Variants in ARHGAP11A observed in about 807,000 individuals in gnomAD.
ARHGAP11A encodes rho GTPase-activating protein 11A.
In ARHGAP11A, 36 loss-of-function variants were observed where a neutral mutation model predicts 60.5. The observed-to-expected ratio is 0.59, with a 90% CI of 0.46 to 0.79. ARHGAP11A has a LOEUF of 0.79. Among genes scored for constraint, ARHGAP11A ranks in the 30% least tolerant of loss-of-function variants. ARHGAP11A has a pLI of 0.00. For missense variants in ARHGAP11A, 1,071 were observed against 1,199.2 expected (o/e 0.89, Z 1.58); for synonymous variants, 362 against 415.5 (o/e 0.87, Z 1.57).
rs745798933 is a variant in ARHGAP11A at position 32,620,072 on chromosome 15, A to G, written c.130-36A>G. ...TTTAAGAAAACTGATATTATGCCTA[A>G]TATTTGTGTTAGAGTAACTGAATTT... is the stretch of plus-strand genomic sequence containing the variant. On this transcript the variant is annotated intron_variant, in intron 1 of 11. Transcript: ENST00000361627. 14 of 1,542,302 alleles carry G rather than the reference A, an allele frequency of 9.1e-6. No homozygotes were observed. The African/African-American group carries it at 1.9e-4, about 21-fold the overall frequency.
chr15:32,629,518 A>G, intron 7 of ARHGAP11A, 77 bp from the exon 8 acceptor site: 2 of 1,256,892 alleles, frequency 1.6e-6, no homozygotes, highest in Non-Finnish European at 1.1e-6. Flanking sequence ...GCTTTATAAG[A>G]AGAAATTATG....
At position 32,637,748 on chromosome 15, in the gene ARHGAP11A, G is replaced by A; in HGVS notation, c.2975G>A (p.Arg992Lys). ...GGGATAAATAACAGGGTCCTTAGGA[G>A]ACCATCAGAAAGAGGAAGGGCCTGG... ...SSGINNRVLRRPSERGRAWYK... is the reference protein window; with the variant it reads ...SSGINNRVLRKPSERGRAWYK... The change falls in exon 12 of 12, where the codon AGA (arginine) becomes AAA (lysine). Residue 992 changes from arginine (R) to lysine (K), a missense_variant. Physicochemically the swap from Arg to Lys is conservative, Grantham distance 26. Transcript: ENST00000361627. 6.2e-7 allele frequency: 1 copy of A among 1,614,076 alleles called. No individual in the cohort carries two copies. Among genetic ancestry groups the A allele is most frequent in the East Asian group, 2.2e-5 (1 of 44,882 alleles).
intron 2 of ARHGAP11A, among the ~76,000 whole-genome samples, chr15:32,621,183 C>CTT (rs60915388): frequency 0.011 from 698 of 64,294 alleles, no homozygotes; most frequent in East Asian, 0.02. Context: ...ACCTTTTATT[C>CTT]TTTTTTTTTT....
At chr15:32,627,573 T>C (rs1039834261) in intron 6 of ARHGAP11A, among the ~76,000 whole-genome samples, 17 of 151,638 alleles carry the variant, frequency 1.1e-4, no homozygotes, top group Admixed American at 1.1e-3. Context: ...ACTAAGAATA[T>C]AAAAAATTAG....
intron 6 of ARHGAP11A, among the ~76,000 whole-genome samples, chr15:32,626,307 G>A (rs982833141): frequency 6.6e-6 from 1 of 152,150 alleles, no homozygotes; most frequent in Non-Finnish European, 1.5e-5. Flanking sequence ...GATTAGTTAG[G>A]AGTACGAACT....
chr15:32,636,411 A>G lies in ARHGAP11A; in HGVS notation c.1638A>G (p.Val546=), dbSNP rs1410232254. 1.2e-6 allele frequency: 2 copies of G among 1,613,982 alleles called. No individual in the cohort carries two copies. Among genetic ancestry groups the G allele is most frequent in the African/African-American group, 1.3e-5 (1 of 74,924 alleles). ...CTTCAATGGTGGAAAATCTTGAGGT[A>G]GAAAACTCTTTGGAGCCTGATATTA... ...EASSMVENLE[V]ENSLEPDIMV... is the part of the protein sequence containing the mutation. Residue 546 remains valine (V), a synonymous_variant, in exon 12 of 12, where the codon GTA becomes GTG. Transcript: ENST00000361627.
At chr15:32,620,332 A>G (rs1342101039) in intron 2 of ARHGAP11A, among the ~76,000 whole-genome samples, 154 bp downstream of exon 2, 2 of 152,198 alleles carry the variant, frequency 1.3e-5, no homozygotes, top group Non-Finnish European at 2.9e-5. Flanking sequence ...AGATAGAAAA[A>G]TTAGCTTGGC....
rs2053113495 is a variant in ARHGAP11A, at chr15:32,615,573, C to T, written c.-639C>T. 1 of 152,716 alleles carries T rather than the reference C, an allele frequency of 6.5e-6. No homozygotes were observed. Among genetic ancestry groups the T allele is most frequent in the African/African-American group, 2.4e-5 (1 of 41,336 alleles). 9.5% of individuals were successfully genotyped at this position (152,716 alleles called of 1,614,324 possible). Reference sequence around the variant, plus strand: ...CGGAAGCATGAGGCTAACGGCTTGGCTTCAGTGAACGCACCGGGATGTGCA... The same window carrying T: ...CGGAAGCATGAGGCTAACGGCTTGGTTTCAGTGAACGCACCGGGATGTGCA... On this transcript the variant is annotated 5_prime_UTR_variant, in exon 1 of 12. Coordinates refer to ENST00000361627, the MANE Select transcript of ARHGAP11A (RefSeq NM_014783.6).
In ARHGAP11A at chr15:32,635,836, A is replaced by G. The variant is rs746295403; in HGVS notation, c.1404A>G (p.Gln468=). The stretch of plus-strand genomic sequence containing the variant: ...TTGGTTGGCGACTTGCAAATCAACA[A>G]AGTTTAAAAAATCGAATTGAATCTG... ...ESVGWRLANQ[Q]SLKNRIESVK... Residue 468 remains glutamine (Q), a synonymous_variant, in exon 11 of 12, where the codon CAA becomes CAG. Transcript: ENST00000361627. 1.2e-6 allele frequency: 2 copies of G among 1,611,564 alleles called. No homozygotes were observed. Among genetic ancestry groups the G allele is most frequent in the Admixed American group, 1.7e-5 (1 of 59,206 alleles).
chr15:32,629,941 A>AGTGTGTGTGTGTGTGTGTGT (rs376208322), intron 8 of ARHGAP11A, among the ~76,000 whole-genome samples, 179 bp downstream of exon 8: 65 of 101,664 alleles, frequency 6.4e-4, no homozygotes, highest in Non-Finnish European at 1.1e-3. Context: ...GTTTCAATAT[A>AGTGTGTGTGTGTGTGTGTGT]GTGTGTGTGT....
At chr15:32,633,559 C>CT (rs778618161) in intron 9 of ARHGAP11A, among the ~76,000 whole-genome samples, 5 of 152,206 alleles carry the variant, frequency 3.3e-5, no homozygotes, top group Middle Eastern at 6.8e-3. Flanking sequence ...AGAGGATCAT[C>CT]TGAGCCCAGG....
Position 32,637,787 on chromosome 15 carries a change from C to T in ARHGAP11A, c.3014C>T (p.Pro1005Leu). The stretch of plus-strand genomic sequence containing the variant: ...GGAAGGGCCTGGTACAAAGGTTCTC[C>T]AAAACATCCTATCGGAAAAACTCAA... ...ERGRAWYKGS[P>L]KHPIGKTQLL... Residue 1005 changes from proline to leucine, a missense_variant, in exon 12 of 12, where the codon CCA becomes CTA. This residue lies in a region of ARHGAP11A where 776 missense variants were observed against 760.2 expected (regional missense o/e 1.02). Transcript: ENST00000361627. The T allele has an allele frequency of 6.2e-7, 1 of 1,608,696 alleles. No individual in the cohort carries two copies.
Position 32,625,114 on chromosome 15 carries a change from G to A in ARHGAP11A, c.586G>A (p.Ala196Thr). 6.2e-7 allele frequency: 1 copy of A among 1,613,876 alleles called. No homozygotes were observed. Among genetic ancestry groups the A allele is most frequent in the Non-Finnish European group, 8.5e-7 (1 of 1,179,824 alleles). Residue 196 changes from alanine to threonine, a missense_variant, in exon 5 of 12, where the codon GCA becomes ACA. By Grantham distance (58) the Ala-to-Thr change is moderately conservative. Transcript: ENST00000361627. ...GAATAAGATGGACAGCAGCAATCTT[G>A]CAGTAATATTTGCACCGAATCTTCT... ...SENKMDSSNL[A>T]VIFAPNLLQT...
intron 1 of ARHGAP11A, among the ~76,000 whole-genome samples, chr15:32,617,491 A>C (rs1392691451): frequency 8.8e-5 from 3 of 34,266 alleles, no homozygotes; most frequent in African/African-American, 3.0e-4. Flanking sequence ...TTTTTTTTTG[A>C]GATGGAGTCT....
intron 4 of ARHGAP11A, among the ~76,000 whole-genome samples, chr15:32,624,634 C>T (rs2053415909): frequency 6.6e-6 from 1 of 152,176 alleles, no homozygotes; most frequent in African/African-American, 2.4e-5. Context: ...TCATGAATGC[C>T]TTAATGGTTC....
chr15:32,620,558 A>AT (rs2140443716), intron 2 of ARHGAP11A, among the ~76,000 whole-genome samples: 3 of 151,574 alleles, frequency 2.0e-5, no homozygotes, highest in African/African-American at 7.3e-5. Flanking sequence ...TGTTAAAAAT[A>AT]TTTTTTTAAC....
intron 1 of ARHGAP11A, 35 bp downstream of exon 1, chr15:32,616,375 A>G (rs2140434894): frequency 1.2e-6 from 2 of 1,612,194 alleles, no homozygotes; most frequent in South Asian, 2.2e-5. Context: ...GGTTTAAAAG[A>G]AAGGGCACAC....
At position 32,638,040 on chromosome 15, in the gene ARHGAP11A, A is replaced by C. The variant is rs1045557816; in HGVS notation, c.*195A>C. On this transcript the variant is annotated 3_prime_UTR_variant, in exon 12 of 12. Transcript: ENST00000361627. Reference sequence around the variant, plus strand: ...TACAAATTACTTCTTTGTTTTTCTTAATGATGGCAATTTTTAAACTTTAAT... The same window carrying C: ...TACAAATTACTTCTTTGTTTTTCTTCATGATGGCAATTTTTAAACTTTAAT... The C allele has an allele frequency of 5.4e-6, 3 of 556,422 alleles. No individual in the cohort carries two copies. The allele number at this position is 556,422 out of a possible 1,614,324, so 34.5% of individuals were successfully genotyped here.
intron 1 of ARHGAP11A, among the ~76,000 whole-genome samples, chr15:32,619,085 T>C (rs553883882): frequency 9.8e-5 from 15 of 152,344 alleles, no homozygotes; most frequent in Admixed American, 3.9e-4. Context: ...TAGTAAAATT[T>C]TGTTACTGTG....
Sources: allele counts gnomAD v4.1 joint callset (sites outside exome capture counted in the v4.1 genomes callset), GRCh38; gene constraint gnomAD v4.1.1; regional missense constraint gnomAD v4.1.1; transcripts MANE v1.5; gene names NCBI Gene and HGNC (gene_info 2026-07-23, HGNC 2026-07-21).